RASA3: variants seen among roughly 807,000 people sequenced by gnomAD.
The protein encoded by RASA3 is RAS p21 protein activator 3.
A neutral mutation model predicts 110.0 loss-of-function variants in RASA3; 73 were observed. That is an observed-to-expected ratio of 0.66 (90% CI 0.55 to 0.81). RASA3 has a LOEUF of 0.81. RASA3 is among the 30% of genes least tolerant of loss of function. RASA3 has a pLI of 0.00. For synonymous variants in RASA3, 500 were observed against 451.4 expected, an observed-to-expected ratio of 1.11 and a Z score of -1.37; for missense variants, 976 against 1,113.2, an observed-to-expected ratio of 0.88 and a Z score of 1.75.
chr13:114,017,094 G>C, intron 12 of RASA3, 143 bp downstream of exon 12: 1 of 705,476 alleles, frequency 1.4e-6, no homozygotes, highest in Non-Finnish European at 2.5e-6. Flanking sequence ...AAAAGTGAAT[G>C]AATCAGCATC....
rs989438913 is a variant in RASA3 at position 114,011,036 on chromosome 13, G to C, written c.1590+135C>G. On this transcript the variant is annotated intron_variant, in intron 16 of 23. Transcript: ENST00000334062. This position sits in a 1 kb window ranked among gnomAD's most constrained non-coding sequence, Gnocchi z 4.8. ...GCTCAGGTCCTGGGTTTCAAGAGAG[G>C]ATGTGGTGCCGGCTTTGATTCTTGA... 2 of 829,602 alleles carry C rather than the reference G, an allele frequency of 2.4e-6. No homozygotes were observed. Among genetic ancestry groups the C allele is most frequent in the South Asian group, 1.6e-5 (1 of 64,476 alleles). 51.4% of individuals were successfully genotyped at this position (829,602 alleles called of 1,614,324 possible). A position where few individuals can be genotyped will look rare whatever the true frequency, so the allele number is the denominator to read the frequency against.
intron 22 of RASA3, among the ~76,000 whole-genome samples, chr13:113,989,436 C>T (rs2053052634): frequency 6.7e-6 from 1 of 150,332 alleles, no homozygotes; most frequent in Non-Finnish European, 1.5e-5. Flanking sequence ...CATCTCTCAC[C>T]CATCCGTCCA....
At chr13:114,095,527 C>G (rs768362667) in intron 1 of RASA3, among the ~76,000 whole-genome samples, 1 of 152,192 alleles carries the variant, frequency 6.6e-6, no homozygotes, top group African/African-American at 2.4e-5. Flanking sequence ...GATGCAGCCT[C>G]ATGTTTTCTA....
intron 3 of RASA3, 61 bp downstream of exon 3, chr13:114,051,991 T>C: frequency 7.4e-7 from 1 of 1,350,764 alleles, no homozygotes; most frequent in Non-Finnish European, 1.1e-6. Flanking sequence ...ACTGAAATGC[T>C]AATACTCGCC....
intron 2 of RASA3, among the ~76,000 whole-genome samples, chr13:114,070,513 G>A (rs182644830): frequency 5.3e-5 from 8 of 152,166 alleles, no homozygotes; most frequent in Non-Finnish European, 1.0e-4. Flanking sequence ...TTTTGTATGG[G>A]GTGGGTTGAT....
intron 2 of RASA3, among the ~76,000 whole-genome samples, chr13:114,072,235 G>C (rs1432099758): frequency 2.0e-5 from 3 of 152,156 alleles, no homozygotes; most frequent in Non-Finnish European, 2.9e-5. Context: ...GCCATGTCCT[G>C]GTGTTCAACT....
At chr13:114,092,279 C>T (rs989286298) in intron 1 of RASA3, among the ~76,000 whole-genome samples, 7 of 152,154 alleles carry the variant, frequency 4.6e-5, no homozygotes, top group Admixed American at 1.3e-4. Context: ...AGTCTTTCTA[C>T]TTCTATGACA....
intron 2 of RASA3, among the ~76,000 whole-genome samples, chr13:114,058,968 C>CA: frequency 6.6e-6 from 1 of 152,232 alleles, no homozygotes; most frequent in Non-Finnish European, 1.5e-5. Context: ...GAGGCCATGC[C>CA]AGAAGCGCCA....
At chr13:114,060,254 C>T (rs1321340192) in intron 2 of RASA3, among the ~76,000 whole-genome samples, 4 of 152,160 alleles carry the variant, frequency 2.6e-5, no homozygotes, top group Non-Finnish European at 5.9e-5. Context: ...AGGGTGCAGC[C>T]GAGGTCACGT....
intron 21 of RASA3, among the ~76,000 whole-genome samples, chr13:113,993,992 C>T (rs950484724): frequency 6.6e-6 from 1 of 152,078 alleles, no homozygotes; most frequent in Non-Finnish European, 1.5e-5. Flanking sequence ...CTGCCTTGTG[C>T]AGAACGTGTG....
chr13:113,991,960 C>T (rs1347275189), intron 22 of RASA3, among the ~76,000 whole-genome samples: 5 of 152,080 alleles, frequency 3.3e-5, no homozygotes, highest in South Asian at 4.2e-4. Context: ...CACTCACACA[C>T]GTCCATTCAT....
chr13:114,063,437 A>G (rs142589359), intron 2 of RASA3, among the ~76,000 whole-genome samples: 1 of 151,162 alleles, frequency 6.6e-6, no homozygotes, highest in African/African-American at 2.4e-5. Context: ...CAAATATATT[A>G]ACAATAATAG....
chr13:114,089,276 A>G (rs2079859968), intron 1 of RASA3, among the ~76,000 whole-genome samples: 1 of 127,044 alleles, frequency 7.9e-6, no homozygotes, highest in African/African-American at 2.9e-5. Flanking sequence ...ACGAGGGGAG[A>G]CGAGGGGAGA....
intron 1 of RASA3, among the ~76,000 whole-genome samples, chr13:114,101,066 AG>A (rs2080054691): frequency 6.6e-6 from 1 of 152,128 alleles, no homozygotes; most frequent in Admixed American, 6.5e-5. Flanking sequence ...CCGGGGGTGT[AG>A]GGACAGGGGC....
At chr13:114,024,454 C>CCA in intron 7 of RASA3, 99 bp from the exon 8 acceptor site, 1 of 1,027,460 alleles carries the variant, frequency 9.7e-7, no homozygotes, top group Non-Finnish European at 1.5e-6. Context: ...CTGCGCTTAC[C>CCA]CACACACCAC....
At chr13:114,123,045 A>G (rs868174273) in intron 1 of RASA3, among the ~76,000 whole-genome samples, 15 of 152,214 alleles carry the variant, frequency 9.9e-5, no homozygotes, top group Middle Eastern at 3.2e-3. Context: ...TACACCCTGG[A>G]CACACCTTCG....
intron 9 of RASA3, among the ~76,000 whole-genome samples, chr13:114,019,518 G>C (rs2139313417): frequency 6.6e-6 from 1 of 150,982 alleles, no homozygotes; most frequent in African/African-American, 2.4e-5. Flanking sequence ...CCCATCAGGT[G>C]GGTGGAGCCT....
At chr13:114,121,973 G>A (rs990559046) in intron 1 of RASA3, among the ~76,000 whole-genome samples, 3 of 152,358 alleles carry the variant, frequency 2.0e-5, no homozygotes, top group East Asian at 3.9e-4. Flanking sequence ...GGCACACAGG[G>A]CCCAGAGGCT....
At position 114,056,358 on chromosome 13, in the gene RASA3, G is replaced by A; in HGVS notation, c.174-4203C>T. The A allele has an allele frequency of 1.1e-5, 9 of 803,682 alleles. No homozygotes were observed. Among genetic ancestry groups the A allele is most frequent in the Middle Eastern group, 6.2e-4 (1 of 1,626 alleles). The allele number at this position is 803,682 out of a possible 1,614,324, so 49.8% of individuals were successfully genotyped here. ...CGCTAAGCACACCCCACAAACGGGC[G>A]CCGCGCACCTGGCATTTAACCCTGC... On this transcript the variant is annotated intron_variant, in intron 2 of 23. Transcript: ENST00000334062. The surrounding 1 kb of genome is among the most constrained non-coding windows in gnomAD (Gnocchi z 5.7).
Sources: gnomAD v4.1 joint callset for allele counts (sites outside exome capture counted in the v4.1 genomes callset) on GRCh38, gnomAD v4.1.1 for gene constraint, Gnocchi (gnomAD v3.1) non-coding constraint, MANE v1.5 for transcripts, NCBI Gene and HGNC (gene_info 2026-07-23, HGNC 2026-07-21) for gene names.